The following CSGALNACT1 variants were observed in gnomAD, a reference collection of about 807,000 sequenced individuals.
The protein encoded by CSGALNACT1 is chondroitin sulfate N-acetylgalactosaminyltransferase 1, also known as beta4GalNAcT-1.
CSGALNACT1 carries 52 observed loss-of-function variants against 51.0 expected under a neutral mutation model. The observed-to-expected ratio is 1.02, with a 90% CI of 0.82 to 1.29. The LOEUF (loss-of-function observed/expected upper bound fraction) is 1.29. CSGALNACT1 is among the 50% of genes most tolerant of loss of function. CSGALNACT1 has a pLI of 0.00. For missense variants in CSGALNACT1, 935 were observed against 679.2 expected (o/e 1.38, Z -4.19); for synonymous variants, 341 against 254.4 (o/e 1.34, Z -3.24).
At chr8:19,447,943 G>C (rs2062421697) in intron 5 of CSGALNACT1, among the ~76,000 whole-genome samples, 1 of 152,356 alleles carries the variant, frequency 6.6e-6, no homozygotes, top group East Asian at 1.9e-4. Context: ...AATGGTGTTA[G>C]TGTGATAGAC....
chr8:19,654,488 T>C (rs1420460365), intron 1 of CSGALNACT1, among the ~76,000 whole-genome samples: 2 of 152,160 alleles, frequency 1.3e-5, no homozygotes, highest in Non-Finnish European at 2.9e-5. Flanking sequence ...ATAAATTATG[T>C]TTTCCTTGGT....
intron 3 of CSGALNACT1, among the ~76,000 whole-genome samples, chr8:19,554,905 G>C (rs1257797366): frequency 1.3e-5 from 2 of 149,182 alleles, no homozygotes; most frequent in Admixed American, 1.3e-4. Context: ...GTGACAGAGG[G>C]AGACTCTGTC....
At chr8:19,697,416 G>A (rs116487485) in intron 1 of CSGALNACT1, among the ~76,000 whole-genome samples, 1,787 of 152,222 alleles carry the variant, frequency 0.012, 36 homozygotes, top group African/African-American at 0.039. Context: ...AGAACAGTAC[G>A]GGGCTGTTCA....
intron 1 of CSGALNACT1, among the ~76,000 whole-genome samples, chr8:19,650,572 T>C (rs1489015721): frequency 6.6e-6 from 1 of 152,196 alleles, no homozygotes; most frequent in Admixed American, 6.5e-5. Flanking sequence ...AAGATGCTGA[T>C]GACGGGGTCA....
At chr8:19,473,075 G>T (rs1373373521) in intron 4 of CSGALNACT1, among the ~76,000 whole-genome samples, 1 of 152,094 alleles carries the variant, frequency 6.6e-6, no homozygotes, top group Non-Finnish European at 1.5e-5. Context: ...TACTTCACTT[G>T]CTCTACCGGC....
intron 6 of CSGALNACT1, 139 bp downstream of exon 5, chr8:19,439,691 G>T: frequency 1.4e-6 from 1 of 734,308 alleles, no homozygotes; most frequent in African/African-American, 1.7e-5. Context: ...ACTTTTCCCT[G>T]AACACAGCCA....
rs1444197148 is a variant in CSGALNACT1 at position 19,757,471 on chromosome 8, T to TC, written c.-297+378dup. Among the ~76,000 whole-genome samples the TC allele has an allele frequency of 1.3e-5, 2 of 152,174 alleles. No individual in the cohort carries two copies. Among genetic ancestry groups the TC allele is most frequent in the Admixed American group, 1.3e-4 (2 of 15,292 alleles). ...GTACCTCCGCGTCACCCACGGCCTC[T>TC]CTGCAGTGCGTCCCTGCGCCCGTCG... is the stretch of plus-strand genomic sequence containing the variant. On this transcript the variant is annotated intron_variant, in intron 1 of 1. Coordinates refer to the CSGALNACT1 transcript ENST00000517494. The surrounding 1 kb of genome is among the most constrained non-coding windows in gnomAD (Gnocchi z 4.0).
intron 3 of CSGALNACT1, among the ~76,000 whole-genome samples, chr8:19,548,142 A>G (rs771543686): frequency 4.6e-5 from 7 of 152,248 alleles, no homozygotes; most frequent in Non-Finnish European, 8.8e-5. Flanking sequence ...TTTCAGCCAA[A>G]CACTAATTAT....
chr8:19,472,615 C>A (rs1221681101), intron 4 of CSGALNACT1, among the ~76,000 whole-genome samples: 1 of 152,208 alleles, frequency 6.6e-6, no homozygotes, highest in Admixed American at 6.5e-5. Context: ...AATCTGAGAC[C>A]AATGTCAAAG....
intron 4 of CSGALNACT1, among the ~76,000 whole-genome samples, chr8:19,483,305 A>C (rs563966488): frequency 2.0e-5 from 3 of 152,374 alleles, no homozygotes; most frequent in Admixed American, 2.0e-4. Flanking sequence ...TGGTTTCATT[A>C]AGACAAAGCC....
intron 1 of CSGALNACT1, among the ~76,000 whole-genome samples, chr8:19,662,849 C>T (rs947088741): frequency 1.3e-5 from 2 of 152,168 alleles, no homozygotes; most frequent in African/African-American, 2.4e-5. Flanking sequence ...CCTATTCTCC[C>T]CCCATTCAGG....
chr8:19,574,606 C>T (rs987067727), intron 3 of CSGALNACT1, among the ~76,000 whole-genome samples: 2 of 152,166 alleles, frequency 1.3e-5, no homozygotes, highest in South Asian at 2.1e-4. Context: ...CCACCTCGTG[C>T]TGCCTGAGGT....
chr8:19,637,444 G>C (rs2056222346), intron 1 of CSGALNACT1, among the ~76,000 whole-genome samples: 1 of 151,802 alleles, frequency 6.6e-6, no homozygotes, highest in South Asian at 2.1e-4. Flanking sequence ...TCTCTTTTTT[G>C]TATGATAATG....
chr8:19,688,216 A>G (rs2061086379), intron 1 of CSGALNACT1, among the ~76,000 whole-genome samples: 1 of 152,118 alleles, frequency 6.6e-6, no homozygotes, highest in Non-Finnish European at 1.5e-5. Context: ...GCTTTCCTCA[A>G]TGGGTAATTT....
chr8:19,702,889 C>A (rs1032049213), intron 1 of CSGALNACT1, among the ~76,000 whole-genome samples: 10 of 152,068 alleles, frequency 6.6e-5, no homozygotes, highest in African/African-American at 2.2e-4. Context: ...AGCCCCCCAC[C>A]CAGTAGCCCC....
At chr8:19,538,620 T>C (rs2084336567) in intron 3 of CSGALNACT1, among the ~76,000 whole-genome samples, 1 of 152,026 alleles carries the variant, frequency 6.6e-6, no homozygotes, top group Admixed American at 6.6e-5. Context: ...ATTCGGTGCA[T>C]AAAGGTTTAG....
chr8:19,628,817 G>T (rs1311061731), intron 1 of CSGALNACT1, among the ~76,000 whole-genome samples: 1 of 152,018 alleles, frequency 6.6e-6, no homozygotes, highest in African/African-American at 2.4e-5. Flanking sequence ...AAAAAGAAAA[G>T]CAGGACAAAC....
At chr8:19,514,600 C>T (rs1221424603) in intron 3 of CSGALNACT1, among the ~76,000 whole-genome samples, 1 of 147,794 alleles carries the variant, frequency 6.8e-6, no homozygotes, top group African/African-American at 2.5e-5. Context: ...GTGGGCAGAT[C>T]CCTTGAGGTT....
At chr8:19,498,450 TG>T (rs1459381901) in intron 4 of CSGALNACT1, among the ~76,000 whole-genome samples, 1 of 152,188 alleles carries the variant, frequency 6.6e-6, no homozygotes, top group Non-Finnish European at 1.5e-5. Context: ...GCCATACTAA[TG>T]GGGAGGCACC....
Sources: gnomAD v4.1 joint callset for allele counts (sites outside exome capture counted in the v4.1 genomes callset) on GRCh38, gnomAD v4.1.1 for gene constraint, Gnocchi (gnomAD v3.1) non-coding constraint, MANE v1.5 for transcripts, NCBI Gene and HGNC (gene_info 2026-07-23, HGNC 2026-07-21) for gene names.